The following FBXO36 variants were observed in gnomAD, a reference collection of about 807,000 sequenced individuals.
The protein encoded by FBXO36 is F-box protein 36.
FBXO36 carries 18 observed loss-of-function variants against 17.0 expected under a neutral mutation model. The observed-to-expected ratio is 1.06, with a 90% CI of 0.73 to 1.57. The LOEUF (loss-of-function observed/expected upper bound fraction) is 1.57, where lower values mean the gene tolerates loss of function less well. Among genes scored for constraint, FBXO36 ranks in the 40% most tolerant of loss-of-function variants. FBXO36 has a pLI of 0.00. For missense variants in FBXO36, 229 were observed against 221.9 expected (o/e 1.03, Z -0.20); for synonymous variants, 83 against 85.3 (o/e 0.97, Z 0.15).
At chr2:229,995,565 T>C (rs759713560) in intron 2 of FBXO36, among the ~76,000 whole-genome samples, 18 of 86,706 alleles carry the variant, frequency 2.1e-4, no homozygotes, top group South Asian at 1.3e-3. Flanking sequence ...TTCCTTCCTT[T>C]CTTTCTTTCT....
chr2:229,975,240 A>G (rs1225360933), intron 1 of FBXO36, among the ~76,000 whole-genome samples: 1 of 152,096 alleles, frequency 6.6e-6, no homozygotes, highest in Non-Finnish European at 1.5e-5. Flanking sequence ...TTCATGCATC[A>G]AACTAAGCAT....
At chr2:229,975,651 T>C (rs776020863) in intron 1 of FBXO36, among the ~76,000 whole-genome samples, 3 of 151,562 alleles carry the variant, frequency 2.0e-5, no homozygotes, top group Non-Finnish European at 4.4e-5. Flanking sequence ...TTTAAAAAAA[T>C]TTTTTGTAGA....
chr2:229,977,976 G>T (rs1441509788), intron 2 of FBXO36, among the ~76,000 whole-genome samples: 1 of 152,130 alleles, frequency 6.6e-6, no homozygotes, highest in African/African-American at 2.4e-5. Flanking sequence ...AATTTGCCAG[G>T]TGCAGTGGTT....
At chr2:229,976,387 C>A in intron 2 of FBXO36, 38 bp downstream of exon 2, 1 of 1,377,014 alleles carries the variant, frequency 7.3e-7, no homozygotes, top group Non-Finnish European at 1.0e-6. Flanking sequence ...CTGTTAAGTT[C>A]TCATTAGTTA....
chr2:230,001,666 C>T (rs2077359606), intron 3 of FBXO36, among the ~76,000 whole-genome samples: 1 of 152,180 alleles, frequency 6.6e-6, no homozygotes, highest in African/African-American at 2.4e-5. Context: ...AAGTTTATTA[C>T]CAAATTATTT....
At chr2:229,961,978 T>G (rs2077123730) in intron 1 of FBXO36, among the ~76,000 whole-genome samples, 1 of 151,958 alleles carries the variant, frequency 6.6e-6, no homozygotes, top group Non-Finnish European at 1.5e-5. Flanking sequence ...GCCAGGAGTT[T>G]GAGACCAGCC....
chr2:229,977,861 C>G (rs62191708), intron 2 of FBXO36, among the ~76,000 whole-genome samples: 1 of 152,210 alleles, frequency 6.6e-6, no homozygotes, highest in African/African-American at 2.4e-5. Context: ...TATTGTGAAG[C>G]AAATCCCAAT....
chr2:230,006,727 T>A (rs2077388705), intron 3 of FBXO36, among the ~76,000 whole-genome samples: 1 of 152,104 alleles, frequency 6.6e-6, no homozygotes, highest in Non-Finnish European at 1.5e-5. Context: ...GTCAAGGTGT[T>A]GTTTTCATGG....
chr2:229,969,343 A>G (rs1317572326), intron 1 of FBXO36, among the ~76,000 whole-genome samples: 1 of 151,146 alleles, frequency 6.6e-6, no homozygotes, highest in Non-Finnish European at 1.5e-5. Flanking sequence ...CAGCCTCCCT[A>G]GTAGCTGGGA....
intron 1 of FBXO36, among the ~76,000 whole-genome samples, chr2:229,940,356 C>T (rs768915473): frequency 2.0e-5 from 3 of 152,074 alleles, no homozygotes; most frequent in Non-Finnish European, 2.9e-5. Context: ...TACGTAAAGA[C>T]ATAGTAGGCA....
intron 1 of FBXO36, among the ~76,000 whole-genome samples, chr2:229,952,684 C>T (rs945342293): frequency 3.3e-5 from 5 of 152,118 alleles, no homozygotes; most frequent in African/African-American, 1.2e-4. Context: ...AGACACCCTC[C>T]CAGCCCCCCA....
chr2:229,927,136 AG>A (rs1448190407), intron 1 of FBXO36, among the ~76,000 whole-genome samples: 3 of 152,246 alleles, frequency 2.0e-5, no homozygotes, highest in Non-Finnish European at 4.4e-5. Context: ...CTGGGATTAC[AG>A]GGGTGAGACA....
Position 230,010,684 on chromosome 2 carries a change from T to G in FBXO36, c.379-12T>G. ...TGTGCTGTAACCCACCTCTGACTTT[T>G]CCCACCCACAGCTGTGCATGTCTGA... On this transcript the variant is annotated splice_polypyrimidine_tract_variant and intron_variant, in intron 3 of 3. Transcript: ENST00000283946. 2.5e-6 allele frequency: 4 copies of G among 1,591,112 alleles called. No individual in the cohort carries two copies. Among genetic ancestry groups the G allele is most frequent in the Non-Finnish European group, 3.4e-6 (4 of 1,163,962 alleles).
intron 2 of FBXO36, among the ~76,000 whole-genome samples, chr2:229,988,828 G>GTTTTTTTTTTTTTTTTTTTTTTTT (rs11321192): frequency 1.5e-5 from 2 of 129,362 alleles, no homozygotes; most frequent in African/African-American, 2.9e-5. Flanking sequence ...ATGCTGGCCT[G>GTTTTTTTTTTTTTTTTTTTTTTTT]TTTTTTTTTT....
At chr2:229,957,552 G>C (rs2077095240) in intron 1 of FBXO36, among the ~76,000 whole-genome samples, 1 of 152,178 alleles carries the variant, frequency 6.6e-6, no homozygotes, top group Non-Finnish European at 1.5e-5. Context: ...ACTTCAGCCT[G>C]GGCGATAGAG....
intron 2 of FBXO36, among the ~76,000 whole-genome samples, chr2:229,988,324 G>A (rs919519092): frequency 1.3e-5 from 2 of 152,130 alleles, no homozygotes; most frequent in Admixed American, 6.5e-5. Flanking sequence ...TGTCCTGGAT[G>A]TAAACACTTT....
chr2:229,951,352 T>G (rs929318474), intron 1 of FBXO36, among the ~76,000 whole-genome samples: 1 of 152,034 alleles, frequency 6.6e-6, no homozygotes, highest in Non-Finnish European at 1.5e-5. Context: ...CAAGTGATTC[T>G]CCTGTCTCAG....
At chr2:229,979,705 G>A (rs897695776) in intron 2 of FBXO36, among the ~76,000 whole-genome samples, 1 of 151,612 alleles carries the variant, frequency 6.6e-6, no homozygotes, top group Non-Finnish European at 1.5e-5. Context: ...ACTTGAACCC[G>A]GGAGGCGGAG....
intron 2 of FBXO36, among the ~76,000 whole-genome samples, chr2:229,995,912 T>C (rs1242867476): frequency 1.3e-5 from 2 of 151,628 alleles, no homozygotes; most frequent in East Asian, 3.9e-4. Context: ...TTTTTTTTTT[T>C]CCTATCAAAT....
Sources: allele counts gnomAD v4.1 joint callset (sites outside exome capture counted in the v4.1 genomes callset), GRCh38; gene constraint gnomAD v4.1.1; transcripts MANE v1.5; gene names NCBI Gene and HGNC (gene_info 2026-07-23, HGNC 2026-07-21).